Variants in GRID2 observed in about 807,000 individuals in gnomAD.
The protein encoded by GRID2 is glutamate ionotropic receptor delta type subunit 2.
Under a neutral mutation model 114.8 loss-of-function variants are expected in GRID2, and 33 were observed. That is an observed-to-expected ratio of 0.29 (90% CI 0.22 to 0.38). The LOEUF (loss-of-function observed/expected upper bound fraction) is 0.38. Among genes scored for constraint, GRID2 ranks in the 10% least tolerant of loss-of-function variants. GRID2 has a pLI of 1.00. For synonymous variants in GRID2, 505 were observed against 449.9 expected, an observed-to-expected ratio of 1.12 and a Z score of -1.55; for missense variants, 1,184 against 1,257.7, an observed-to-expected ratio of 0.94 and a Z score of 0.89.
chr4:93,029,092 G>C (rs777658789), intron 2 of GRID2, among the ~76,000 whole-genome samples: 3 of 152,082 alleles, frequency 2.0e-5, no homozygotes, highest in Non-Finnish European at 4.4e-5. Context: ...ATTACATGGA[G>C]AGGGAAGCAT....
chr4:93,004,637 T>A (rs1156436400), intron 2 of GRID2, among the ~76,000 whole-genome samples: 2 of 151,990 alleles, frequency 1.3e-5, no homozygotes, highest in East Asian at 3.9e-4. Flanking sequence ...ATGAAGACCA[T>A]GTACTCTTCT....
chr4:93,121,593 A>G (rs942854747), intron 4 of GRID2, among the ~76,000 whole-genome samples: 2 of 152,136 alleles, frequency 1.3e-5, no homozygotes, highest in African/African-American at 2.4e-5. Context: ...CTCATTACAG[A>G]TAGGGGTTCT....
At chr4:92,533,224 C>T (rs556083057) in intron 1 of GRID2, among the ~76,000 whole-genome samples, 57 of 147,952 alleles carry the variant, frequency 3.9e-4, no homozygotes, top group African/African-American at 1.3e-3. Flanking sequence ...GAAACTTTCA[C>T]AAAACTTGGA....
Position 92,411,655 on chromosome 4 carries a change from G to GTATATATATATA in GRID2, c.88+106923_88+106934dup, listed in dbSNP as rs70940887. Among the ~76,000 whole-genome samples the GTATATATATATA allele has an allele frequency of 4.7e-4, 40 of 84,690 alleles. 1 individual carries two copies. The highest frequency in any genetic ancestry group is 1.5e-3 in the African/African-American group (25 of 17,094). 55.6% of individuals were successfully genotyped at this position (84,690 alleles called of 152,430 possible). On this transcript the variant is annotated intron_variant, in intron 1 of 15. Coordinates refer to ENST00000282020, the MANE Select transcript of GRID2 (RefSeq NM_001510.4). ...TGTGTGTGTGTGTGTGTGTGTGTGT[G>GTATATATATATA]TATATATATATATATATATATATGA...
At chr4:92,927,709 T>C (rs75369250) in intron 2 of GRID2, among the ~76,000 whole-genome samples, 6,740 of 151,788 alleles carry the variant, frequency 0.044, 262 homozygotes, top group East Asian at 0.19. Flanking sequence ...TGTCTGAGAG[T>C]GTGCATTTAA....
intron 2 of GRID2, among the ~76,000 whole-genome samples, chr4:92,894,370 T>C (rs1291167659): frequency 6.6e-6 from 1 of 152,208 alleles, no homozygotes; most frequent in Non-Finnish European, 1.5e-5. Context: ...TGCATTTGTA[T>C]GAATGTTTAG....
intron 13 of GRID2, among the ~76,000 whole-genome samples, chr4:93,544,502 G>A (rs1265283178): frequency 6.6e-6 from 1 of 151,974 alleles, no homozygotes; most frequent in Non-Finnish European, 1.5e-5. Flanking sequence ...AAGACACCAG[G>A]TACGGTGGCT....
At position 92,441,969 on chromosome 4, in the gene GRID2, A is replaced by G. The variant is rs563284032; in HGVS notation, c.88+137225A>G. On this transcript the variant is annotated intron_variant, in intron 1 of 15. Coordinates refer to ENST00000282020, the MANE Select transcript of GRID2 (RefSeq NM_001510.4). ...GGGAACTGGGCAGGTGGGGATAACT[A>G]AAAAGGAGTGCTTAAAAGAGTATTG... 3.2e-3 allele frequency among the ~76,000 whole-genome samples: 477 copies of G among 151,114 alleles called. 2 individuals are homozygous for G. Among genetic ancestry groups the G allele is most frequent in the African/African-American group, 0.011 (441 of 41,030 alleles).
chr4:92,998,782 T>A (rs985888079), intron 2 of GRID2, among the ~76,000 whole-genome samples: 2 of 151,772 alleles, frequency 1.3e-5, no homozygotes, highest in East Asian at 1.9e-4. Context: ...GCTCACTTTT[T>A]AAAAATTTGA....
chr4:92,611,094 G>A (rs13121449), intron 2 of GRID2, among the ~76,000 whole-genome samples: 1 of 146,772 alleles, frequency 6.8e-6, no homozygotes, highest in African/African-American at 2.5e-5. Context: ...GTATATATAT[G>A]TGTGTGTGTA....
chr4:93,706,076 A>G (rs1209321860), intron 14 of GRID2, among the ~76,000 whole-genome samples: 1 of 152,120 alleles, frequency 6.6e-6, no homozygotes, highest in Admixed American at 6.6e-5. Flanking sequence ...TGTTTTGATC[A>G]CTATAGCTCT....
At chr4:93,005,139 C>T (rs139607591) in intron 2 of GRID2, among the ~76,000 whole-genome samples, 1,532 of 152,136 alleles carry the variant, frequency 0.01, 10 homozygotes, top group Admixed American at 0.015. Flanking sequence ...CAAGAATAGA[C>T]AGAATAGACA....
At chr4:93,617,230 T>G (rs940950251) in intron 13 of GRID2, among the ~76,000 whole-genome samples, 15 of 152,288 alleles carry the variant, frequency 9.8e-5, no homozygotes, top group Non-Finnish European at 1.5e-4. Flanking sequence ...TGAAACCTAG[T>G]AATGAGGAAA....
intron 8 of GRID2, among the ~76,000 whole-genome samples, chr4:93,329,452 A>G (rs1758202088): frequency 6.6e-6 from 1 of 152,136 alleles, no homozygotes; most frequent in African/African-American, 2.4e-5. Flanking sequence ...TCTTCTTTAG[A>G]TTCAAGATCT....
At chr4:93,000,704 T>C (rs1341361353) in intron 2 of GRID2, among the ~76,000 whole-genome samples, 1 of 150,178 alleles carries the variant, frequency 6.7e-6, no homozygotes, top group African/African-American at 2.4e-5. Flanking sequence ...TGTTAAACCA[T>C]AATAAGTATG....
chr4:92,984,765 ACTT>A (rs1754405618), intron 2 of GRID2, among the ~76,000 whole-genome samples: 1 of 148,348 alleles, frequency 6.7e-6, no homozygotes, highest in South Asian at 2.1e-4. Flanking sequence ...CCAATATTCA[ACTT>A]CTTTTTTTTT....
chr4:93,279,766 A>G lies in GRID2; in HGVS notation c.1245+41276A>G, dbSNP rs137887655. On this transcript the variant is annotated intron_variant, in intron 8 of 15. Coordinates refer to ENST00000282020, the MANE Select transcript of GRID2 (RefSeq NM_001510.4). ...TAAGAATGGCAGGTTAATTCTGAATATATCTCATTGGACAAATACAGTTAG... is the reference window on the plus strand; with the variant it reads ...TAAGAATGGCAGGTTAATTCTGAATGTATCTCATTGGACAAATACAGTTAG... Among the ~76,000 whole-genome samples, 83 of 152,120 alleles carry G rather than the reference A, an allele frequency of 5.5e-4. No homozygotes were observed. In the East Asian group the frequency reaches 9.5e-3, roughly 17 times the overall value.
At chr4:93,201,433 G>A (rs1461208540) in intron 4 of GRID2, among the ~76,000 whole-genome samples, 3 of 152,182 alleles carry the variant, frequency 2.0e-5, no homozygotes, top group Non-Finnish European at 4.4e-5. Context: ...TTGTTCCAGC[G>A]TATCTGCTGG....
At chr4:93,187,018 A>G (rs1740488433) in intron 4 of GRID2, among the ~76,000 whole-genome samples, 1 of 152,160 alleles carries the variant, frequency 6.6e-6, no homozygotes, top group Non-Finnish European at 1.5e-5. Flanking sequence ...CACATGGTGC[A>G]AGGGCAAAAG....
Sources: gnomAD v4.1 joint callset for allele counts (sites outside exome capture counted in the v4.1 genomes callset) on GRCh38, gnomAD v4.1.1 for gene constraint, MANE v1.5 for transcripts, NCBI Gene and HGNC (gene_info 2026-07-23, HGNC 2026-07-21) for gene names.